Variants in KHNYN observed in about 807,000 individuals in gnomAD.
The protein encoded by KHNYN is protein KHNYN.
A neutral mutation model predicts 62.7 loss-of-function variants in KHNYN; 42 were observed. The ratio of observed to expected loss-of-function variants is 0.67; its 90% CI spans 0.52 to 0.87. KHNYN has a LOEUF of 0.87. Among genes scored for constraint, KHNYN ranks in the 40% least tolerant of loss-of-function variants. KHNYN has a pLI of 0.00. For synonymous variants in KHNYN, 347 were observed against 345.6 expected (o/e 1.00, Z -0.04); for missense variants, 829 against 874.1 (o/e 0.95, Z 0.65).
At chr14:24,423,604 T>G in the KHNYN span, among the ~76,000 whole-genome samples, 15 of 152,176 alleles carry the variant, frequency 9.9e-5, no homozygotes, top group Admixed American at 5.9e-4. Flanking sequence ...GCAAAAGGCT[T>G]AAGGAGGGAA....
chr14:24,429,252 T>C, upstream of KHNYN: 12 of 706,832 alleles, frequency 1.7e-5, no homozygotes, highest in Middle Eastern at 9.0e-4. Context: ...TCCCTCCTCC[T>C]TGGCAGAGCA....
chr14:24,427,823 G>T (rs1032567101), upstream of KHNYN: 5 of 1,614,000 alleles, frequency 3.1e-6, no homozygotes, highest in South Asian at 3.3e-5. The surrounding 1 kb of genome is among the most constrained non-coding windows in gnomAD (Gnocchi z 4.4). Context: ...AGAGAAACTT[G>T]AGTATTTCCA....
intron 5 of KHNYN, among the ~76,000 whole-genome samples, chr14:24,435,294 T>C (rs2043188523): frequency 6.6e-6 from 1 of 152,142 alleles, no homozygotes; most frequent in Non-Finnish European, 1.5e-5. Context: ...GGTTAGGGAA[T>C]ATTGGGAGAG....
intron 5 of KHNYN, chr14:24,435,742 T>C: frequency 3.0e-6 from 1 of 338,368 alleles, no homozygotes; most frequent in Non-Finnish European, 5.5e-6. Context: ...GATTCATCTT[T>C]GTTTCCTCTC....
At chr14:24,428,269 G>A (rs1269541455), upstream of KHNYN, 3 of 1,612,838 alleles carry the variant, frequency 1.9e-6, no homozygotes, top group Non-Finnish European at 2.5e-6. Flanking sequence ...GGGGATGGGG[G>A]CCAGTGCTGA....
At position 24,439,303 on chromosome 14, in the gene KHNYN, G is replaced by T. The variant is rs1465872587; in HGVS notation, c.*2018G>T. ...GTGTCTTCTGCCCTTTTGTGCTAAG[G>T]GCCCTGGTTGACTGAGTGGCCCCAG... On this transcript the variant is annotated 3_prime_UTR_variant, in exon 8 of 8. Transcript: ENST00000553935. 17 of 152,084 alleles carry T rather than the reference G, an allele frequency of 1.1e-4. No homozygotes were observed. The highest frequency in any genetic ancestry group is 1.1e-3 in the Admixed American group (17 of 15,268). The allele number at this position is 152,084 out of a possible 1,614,324, so 9.4% of individuals were successfully genotyped here.
upstream of KHNYN, chr14:24,428,767 G>A (rs200916795): frequency 6.9e-6 from 11 of 1,593,794 alleles, no homozygotes; most frequent in Admixed American, 1.9e-4. Flanking sequence ...GGTCGAAGTA[G>A]ATGGCCCCAC....
Position 24,432,976 on chromosome 14 carries a change from C to G in KHNYN, c.1521C>G (p.Leu507=), listed in dbSNP as rs2043147760. The G allele has an allele frequency of 6.2e-7, 1 of 1,614,222 alleles. No homozygotes were observed. The highest frequency in any genetic ancestry group is 8.5e-7 in the Non-Finnish European group (1 of 1,180,038). ...FLQKLYSLSL[L]SLTPSRVMDG... The stretch of plus-strand genomic sequence containing the variant: ...AAAAGCTGTATTCCCTCAGCCTGCT[C>G]TCCCTCACACCCTCACGAGTCATGG... The change falls in exon 5 of 8, where the codon CTC becomes CTG. Residue 507 remains leucine, a synonymous_variant. Transcript: ENST00000553935. The surrounding 1 kb of genome is among the most constrained non-coding windows in gnomAD (Gnocchi z 5.6).
chr14:24,432,729 C>T lies in KHNYN; in HGVS notation c.1357C>T (p.Leu453Phe). 2 of 1,614,186 alleles carry T rather than the reference C, an allele frequency of 1.2e-6. No individual in the cohort carries two copies. Among genetic ancestry groups the T allele is most frequent in the African/African-American group, 1.3e-5 (1 of 75,054 alleles). ...GACCCCCTCCCACTACAGGCATGGC[C>T]TCCAGCACTACTTCTCCAGCCGGGG... ...DGSNVAMVHGLQHYFSSRGIA... is the reference protein window; with the variant it reads ...DGSNVAMVHGFQHYFSSRGIA... Residue 453 changes from leucine (L) to phenylalanine (F), a missense_variant, in exon 4 of 8, where the codon CTC (leucine) becomes TTC (phenylalanine). Around this residue, in one of 2 missense-constraint regions of KHNYN, gnomAD observed 270 missense variants for 347.1 expected, o/e 0.78. Transcript: ENST00000553935. The surrounding 1 kb of genome is among the most constrained non-coding windows in gnomAD (Gnocchi z 5.6).
In KHNYN at chr14:24,440,081, A is replaced by G. The variant is rs2043273788; in HGVS notation, c.*2796A>G. On this transcript the variant is annotated 3_prime_UTR_variant, in exon 8 of 8. Coordinates refer to ENST00000553935, the MANE Select transcript of KHNYN (RefSeq NM_015299.3). ...AGGCCTCAGGCCCTTGCCACGACCT[A>G]CTTAGGCTACAATTTCCTTTAAGGC... 6.3e-7 allele frequency: 1 copy of G among 1,590,718 alleles called. No homozygotes were observed. Among genetic ancestry groups the G allele is most frequent in the African/African-American group, 1.3e-5 (1 of 74,618 alleles).
At chr14:24,424,384 G>C (rs1273576146), upstream of KHNYN, among the ~76,000 whole-genome samples, 1 of 152,208 alleles carries the variant, frequency 6.6e-6, no homozygotes, top group Non-Finnish European at 1.5e-5. Context: ...CGTTTTCCAT[G>C]CAGTGGTATT....
At position 24,432,719 on chromosome 14, in the gene KHNYN, C is replaced by T; in HGVS notation, c.1350-3C>T. The T allele has an allele frequency of 6.2e-7, 1 of 1,614,178 alleles. No homozygotes were observed. The highest frequency in any genetic ancestry group is 8.5e-7 in the Non-Finnish European group (1 of 1,180,020). The stretch of plus-strand genomic sequence containing the variant: ...TCCTCTGGCCGACCCCCTCCCACTA[C>T]AGGCATGGCCTCCAGCACTACTTCT... On this transcript the variant is annotated splice_polypyrimidine_tract_variant and splice_region_variant and intron_variant, in intron 3 of 7. Coordinates refer to ENST00000553935, the MANE Select transcript of KHNYN (RefSeq NM_015299.3). The surrounding 1 kb of genome is among the most constrained non-coding windows in gnomAD (Gnocchi z 5.6).
chr14:24,429,778 G>A, upstream of KHNYN: 1 of 985,344 alleles, frequency 1.0e-6, no homozygotes, highest in African/African-American at 1.7e-5. Context: ...TGAGGGCCGG[G>A]AGACAGACGG....
Position 24,432,070 on chromosome 14 carries a change from G to T in KHNYN, c.809G>T (p.Trp270Leu), listed in dbSNP as rs7151995. 0.97 allele frequency: 1,520,331 copies of T among 1,573,576 alleles called. 734,521 individuals are homozygous for T. Among genetic ancestry groups the T allele is most frequent in the Admixed American group, 0.98 (54,811 of 55,662 alleles). The change falls in exon 3 of 8, where the codon TGG (tryptophan) becomes TTG (leucine). Residue 270 changes from tryptophan to leucine, a missense_variant. Trp to Leu is a moderately conservative substitution (Grantham distance 61, BLOSUM62 -2). Coordinates refer to ENST00000553935, the MANE Select transcript of KHNYN (RefSeq NM_015299.3). This position sits in a 1 kb window ranked among gnomAD's most constrained non-coding sequence, Gnocchi z 5.6. ...CAGGGTGGTCCCAGGGAGATGGATT[G>T]GGGGTGGAAGGAGTTGCCTGGGGAA... is the stretch of plus-strand genomic sequence containing the variant. ...GKQGGPREMD[W>L]GWKELPGEEA...
intron 6 of KHNYN, 96 bp downstream of exon 6, chr14:24,436,275 G>A (rs2043203022): frequency 7.0e-7 from 1 of 1,436,058 alleles, no homozygotes; most frequent in Admixed American, 1.8e-5. Context: ...CTGGGAAGGA[G>A]GTGAAGTTTT....
At position 24,437,288 on chromosome 14, in the gene KHNYN, C is replaced by T; in HGVS notation, c.*3C>T. On this transcript the variant is annotated 3_prime_UTR_variant, in exon 8 of 8. Transcript: ENST00000553935. The surrounding 1 kb of genome is among the most constrained non-coding windows in gnomAD (Gnocchi z 5.5). ...CCCTGCTCAGTCTTAACTTTTGAGC[C>T]TCACCTGCTTGAGTGGCTGCCGCCC... is the stretch of plus-strand genomic sequence containing the variant. The T allele has an allele frequency of 6.2e-7, 1 of 1,606,874 alleles. No individual in the cohort carries two copies. Among genetic ancestry groups the T allele is most frequent in the Non-Finnish European group, 8.5e-7 (1 of 1,174,440 alleles).
At chr14:24,428,468 G>C (rs961106655), upstream of KHNYN, 10 of 1,591,794 alleles carry the variant, frequency 6.3e-6, no homozygotes, top group Admixed American at 1.8e-5. Context: ...GGGTACCATG[G>C]GGACTAGGGG....
rs1264990848 is a variant in KHNYN at position 24,431,515 on chromosome 14, C to T, written c.254C>T (p.Pro85Leu). The T allele has an allele frequency of 9.4e-6, 15 of 1,602,296 alleles. No individual in the cohort carries two copies. The highest frequency in any genetic ancestry group is 1.3e-5 in the Non-Finnish European group (15 of 1,170,710). Reference protein sequence around the residue: ...SPELQDEIHYPPKLHCIFLGA... With the variant: ...SPELQDEIHYLPKLHCIFLGA... ...GAACTGCAGGATGAAATCCACTACC[C>T]GCCCAAACTGCACTGCATCTTTCTG... is the stretch of plus-strand genomic sequence containing the variant. Residue 85 changes from proline (P) to leucine (L), a missense_variant, in exon 3 of 8, where the codon CCG (proline) becomes CTG (leucine). Transcript: ENST00000553935.
chr14:24,430,040 C>T lies in KHNYN; in HGVS notation c.-97C>T, dbSNP rs1461384519. On this transcript the variant is annotated 5_prime_UTR_variant, in exon 1 of 8. Transcript: ENST00000553935. ...CCAGATTCGGGCCCCCTGCCCTTGTCCCCTGGGCTGGGGGCGCGGGCAAAG... is the reference window on the plus strand; with the variant it reads ...CCAGATTCGGGCCCCCTGCCCTTGTTCCCTGGGCTGGGGGCGCGGGCAAAG... 1.2e-5 allele frequency: 12 copies of T among 985,448 alleles called. No homozygotes were observed. In the South Asian group the frequency reaches 1.9e-4, roughly 15 times the overall value. The allele number at this position is 985,448 out of a possible 1,614,324, so 61.0% of individuals were successfully genotyped here. A position where few individuals can be genotyped will look rare whatever the true frequency, so the allele number is the denominator to read the frequency against.
Sources: gnomAD v4.1 joint callset for allele counts (sites outside exome capture counted in the v4.1 genomes callset) on GRCh38, gnomAD v4.1.1 for gene constraint, gnomAD v4.1.1 regional missense constraint, Gnocchi (gnomAD v3.1) non-coding constraint, MANE v1.5 for transcripts, NCBI Gene and HGNC (gene_info 2026-07-23, HGNC 2026-07-21) for gene names.